WASF1: variants seen among roughly 807,000 people sequenced by gnomAD.
WASF1 encodes the protein WASP family member 1, also known as actin-binding protein WASF1.
In WASF1, 7 loss-of-function variants were observed where a neutral mutation model predicts 50.5. That is an observed-to-expected ratio of 0.14 (90% confidence interval 0.08 to 0.26). The LOEUF (loss-of-function observed/expected upper bound fraction) is 0.26, where lower values mean the gene tolerates loss of function less well. Ranked by LOEUF, WASF1 falls within the 10% of genes least tolerant of loss-of-function variation. The pLI is 1.00. For missense variants in WASF1, 470 were observed against 694.7 expected, an observed-to-expected ratio of 0.68 and a Z score of 3.64; for synonymous variants, 205 against 244.0, an observed-to-expected ratio of 0.84 and a Z score of 1.49.
chr6:110,154,393 TAGAAA>T (rs1775962826), intron 3 of WASF1, among the ~76,000 whole-genome samples: 1 of 152,072 alleles, frequency 6.6e-6, no homozygotes, highest in African/African-American at 2.4e-5. Context: ...TGATTTCCTT[TAGAAA>T]AGAATTCTAA....
intron 3 of WASF1, among the ~76,000 whole-genome samples, chr6:110,146,042 T>C (rs1022706887): frequency 2.0e-5 from 3 of 150,812 alleles, no homozygotes; most frequent in African/African-American, 7.3e-5. Context: ...AAATGACGAG[T>C]TAATGGGTAC....
At chr6:110,130,519 AT>A (rs1774616287) in intron 3 of WASF1, among the ~76,000 whole-genome samples, 1 of 152,138 alleles carries the variant, frequency 6.6e-6, no homozygotes, top group Non-Finnish European at 1.5e-5. Context: ...TTCATTCCAC[AT>A]TGTAACATTC....
At position 110,153,446 on chromosome 6, in the gene WASF1, A is replaced by G. The variant is rs576623733; in HGVS notation, c.-29+7189T>C. On this transcript the variant is annotated intron_variant, in intron 3 of 10. Transcript: ENST00000392589. ...AAAAAGAAAGTTTAAGACTGATTTA[A>G]TAAGAGCCCTAATATTTAAAAGAAG... 3.9e-5 allele frequency among the ~76,000 whole-genome samples: 6 copies of G among 152,320 alleles called. No homozygotes were observed. In the South Asian group the frequency reaches 8.3e-4, roughly 21 times the overall value.
intron 2 of WASF1, among the ~76,000 whole-genome samples, chr6:110,168,554 AT>A (rs1776568412): frequency 1.3e-5 from 2 of 152,096 alleles, no homozygotes; most frequent in South Asian, 4.1e-4. Flanking sequence ...AACCACCTTC[AT>A]CCCTCCAAGA....
At chr6:110,103,340 C>A in intron 9 of WASF1, 38 bp downstream of exon 9, 2 of 1,591,552 alleles carry the variant, frequency 1.3e-6, no homozygotes, top group Non-Finnish European at 1.7e-6. Context: ...AGCTTACTGA[C>A]TCCTAAGATA....
intron 3 of WASF1, among the ~76,000 whole-genome samples, chr6:110,139,488 A>G (rs1775125122): frequency 6.6e-6 from 1 of 152,248 alleles, no homozygotes; most frequent in Non-Finnish European, 1.5e-5. Context: ...TTAACTTCAG[A>G]GCACTGACCC....
In WASF1 at chr6:110,155,536, C is replaced by CTTT. The variant is rs66645132; in HGVS notation, c.-29+5096_-29+5098dup. ...GACTACATTATTTCTAAAGTGCCTT[C>CTTT]TTTTTTTTTTTTTTTTTTTTTTTTT... On this transcript the variant is annotated intron_variant, in intron 3 of 10. Transcript: ENST00000392589. Among the ~76,000 whole-genome samples the CTTT allele has an allele frequency of 8.7e-3, 402 of 45,994 alleles. 11 individuals carry two copies. The highest frequency in any genetic ancestry group is 0.025 in the Middle Eastern group (1 of 40). 30.2% of individuals were successfully genotyped at this position (45,994 alleles called of 152,430 possible).
At chr6:110,165,447 T>C (rs975062430) in intron 2 of WASF1, among the ~76,000 whole-genome samples, 6 of 151,700 alleles carry the variant, frequency 4.0e-5, no homozygotes, top group Admixed American at 4.0e-4. Context: ...TTTTAACTCG[T>C]GTGTATCTTA....
rs544343374 is a variant in WASF1, at chr6:110,119,833, T to A, written c.134-6373A>T. Among the ~76,000 whole-genome samples the A allele has an allele frequency of 1.6e-3, 248 of 152,290 alleles. 2 individuals carry two copies. Among genetic ancestry groups the A allele is most frequent in the Middle Eastern group, 6.8e-3 (2 of 294 alleles). On this transcript the variant is annotated intron_variant, in intron 4 of 10. Coordinates refer to ENST00000392589, the MANE Select transcript of WASF1 (RefSeq NM_003931.3). The stretch of plus-strand genomic sequence containing the variant: ...CAAATCCAGCAGCACATCAAAAAGC[T>A]TATCCACCATGATCAAGTCAGCTTC...
At chr6:110,144,476 C>G (rs1424052667) in intron 3 of WASF1, among the ~76,000 whole-genome samples, 5 of 152,210 alleles carry the variant, frequency 3.3e-5, no homozygotes, top group African/African-American at 1.2e-4. Flanking sequence ...CATTAGATCC[C>G]ATTTGTCAAT....
At chr6:110,112,310 G>T (rs908647441) in intron 5 of WASF1, among the ~76,000 whole-genome samples, 2 of 151,824 alleles carry the variant, frequency 1.3e-5, no homozygotes, top group Non-Finnish European at 2.9e-5. Flanking sequence ...TCTGTGGTAG[G>T]TAAGTGCAAA....
At chr6:110,103,612 G>A in intron 8 of WASF1, 55 bp from the exon 9 acceptor site, 3 of 1,446,686 alleles carry the variant, frequency 2.1e-6, no homozygotes, top group Admixed American at 2.1e-5. Context: ...GGAGGAAAGG[G>A]TTCTACATGA....
chr6:110,147,096 C>T (rs1775599489), intron 3 of WASF1, among the ~76,000 whole-genome samples: 2 of 152,018 alleles, frequency 1.3e-5, no homozygotes, highest in South Asian at 4.2e-4. Flanking sequence ...ACCTGTAATC[C>T]CAGCACTTTG....
chr6:110,134,689 G>GTGCAGGGATTACAGGTGTGAGCCACCGC (rs1400378707), intron 3 of WASF1, among the ~76,000 whole-genome samples: 21 of 152,258 alleles, frequency 1.4e-4, no homozygotes, highest in Non-Finnish European at 2.8e-4. Flanking sequence ...GCCTCCCAAA[G>GTGCAGGGATTACAGGTGTGAGCCACCGC]TGCAGGGATT....
chr6:110,112,410 T>C (rs1773597250), intron 5 of WASF1, among the ~76,000 whole-genome samples: 2 of 152,162 alleles, frequency 1.3e-5, no homozygotes, highest in African/African-American at 2.4e-5. Context: ...TATCAAGGCA[T>C]AAAACATGAT....
chr6:110,113,993 T>C (rs79639174), intron 4 of WASF1, among the ~76,000 whole-genome samples: 2,941 of 152,296 alleles, frequency 0.019, 93 homozygotes, highest in African/African-American at 0.067. Flanking sequence ...GCAAATGTAA[T>C]TGCAGTTTTT....
intron 3 of WASF1, among the ~76,000 whole-genome samples, chr6:110,130,146 G>T (rs375553312): frequency 9.9e-5 from 15 of 152,182 alleles, no homozygotes; most frequent in African/African-American, 3.1e-4. Flanking sequence ...TGTTTCCTCT[G>T]ACCTATTTGT....
intron 2 of WASF1, among the ~76,000 whole-genome samples, chr6:110,178,314 C>G (rs1341166950): frequency 6.6e-6 from 1 of 152,046 alleles, no homozygotes; most frequent in Non-Finnish European, 1.5e-5. Context: ...AAACTTAGAG[C>G]ATAAAGGATA....
At chr6:110,167,834 T>C (rs1327678374) in intron 2 of WASF1, among the ~76,000 whole-genome samples, 1 of 152,054 alleles carries the variant, frequency 6.6e-6, no homozygotes, top group Non-Finnish European at 1.5e-5. Context: ...AAGTTCAATA[T>C]GATTGGTATA....
Sources: allele counts gnomAD v4.1 joint callset (sites outside exome capture counted in the v4.1 genomes callset), GRCh38; gene constraint gnomAD v4.1.1; transcripts MANE v1.5; gene names NCBI Gene and HGNC (gene_info 2026-07-23, HGNC 2026-07-21).